PTPN22: variants seen among roughly 807,000 people sequenced by gnomAD.
PTPN22 encodes the protein protein tyrosine phosphatase non-receptor type 22.
A neutral mutation model predicts 103.3 loss-of-function variants in PTPN22; 85 were observed. That is an observed-to-expected ratio of 0.82 (90% CI 0.69 to 0.99). The LOEUF (loss-of-function observed/expected upper bound fraction) is 0.99. Ranked by LOEUF, PTPN22 falls within the 50% of genes least tolerant of loss-of-function variation. The probability of loss-of-function intolerance (pLI) is 0.00; values close to 1 mark genes in which losing one functional copy is unlikely to be tolerated. For synonymous variants in PTPN22, 323 were observed against 310.2 expected (o/e 1.04, Z -0.43); for missense variants, 865 against 936.9 (o/e 0.92, Z 1.00).
chr1:113,838,079 T>G (rs1169636864), exon 13 of PTPN22: 1 of 1,613,940 alleles, frequency 6.2e-7, no homozygotes, highest in East Asian at 2.2e-5. Context: ...ATTGGCACCT[T>G]TGAATTAAAA....
At chr1:113,868,227 C>T (rs1474411081) in intron 1 of PTPN22, among the ~76,000 whole-genome samples, 3 of 152,040 alleles carry the variant, frequency 2.0e-5, no homozygotes, top group African/African-American at 7.2e-5. Context: ...AAATCTGAAC[C>T]ATGGACCTGG....
At chr1:113,857,590 G>A in intron 5 of PTPN22, 148 bp downstream of exon 5, 1 of 643,856 alleles carries the variant, frequency 1.6e-6, no homozygotes, top group South Asian at 2.3e-5. Flanking sequence ...AAAATCCTCT[G>A]AGAATCACGT....
chr1:113,858,281 C>A (rs1665249801), intron 4 of PTPN22, among the ~76,000 whole-genome samples, 197 bp downstream of exon 4: 1 of 151,744 alleles, frequency 6.6e-6, no homozygotes, highest in Non-Finnish European at 1.5e-5. Flanking sequence ...TGGTCTAGAA[C>A]CCCTAGGCTC....
intron 11 of PTPN22, among the ~76,000 whole-genome samples, chr1:113,846,879 A>C (rs1664103232): frequency 6.6e-6 from 1 of 151,992 alleles, no homozygotes; most frequent in Non-Finnish European, 1.5e-5. Flanking sequence ...GCTGATTTCT[A>C]AAACTTTTTT....
intron 5 of PTPN22, 192 bp downstream of exon 5, chr1:113,857,546 G>C: frequency 1.8e-6 from 1 of 542,836 alleles, no homozygotes; most frequent in East Asian, 3.1e-5. Flanking sequence ...GGTCTACTGA[G>C]AAAACAAACA....
chr1:113,829,559 C>T (rs772889035), intron 18 of PTPN22, 33 bp downstream of exon 18: 8 of 1,305,516 alleles, frequency 6.1e-6, no homozygotes, highest in East Asian at 2.4e-5. Context: ...GGAAAGTTTC[C>T]GGCATGTTTC....
At chr1:113,847,815 G>A (rs905614436) in intron 11 of PTPN22, among the ~76,000 whole-genome samples, 15 of 151,662 alleles carry the variant, frequency 9.9e-5, no homozygotes, top group African/African-American at 3.6e-4. Context: ...CTGATCCCAG[G>A]TCAAGACCAG....
intron 15 of PTPN22, among the ~76,000 whole-genome samples, chr1:113,833,359 T>C (rs1025388343): frequency 6.6e-6 from 1 of 152,214 alleles, no homozygotes; most frequent in South Asian, 2.1e-4. Flanking sequence ...TAGTCCTAAA[T>C]TGATCCCCTT....
At chr1:113,837,734 T>C (rs1382836188) in exon 13 of PTPN22, 1 of 1,613,044 alleles carries the variant, frequency 6.2e-7, no homozygotes, top group Non-Finnish European at 8.5e-7. Context: ...CCATCTTGCT[T>C]CTCAGGTAAA....
intron 1 of PTPN22, among the ~76,000 whole-genome samples, chr1:113,861,202 G>T (rs191720936): frequency 6.6e-6 from 1 of 152,148 alleles, no homozygotes; most frequent in Admixed American, 6.5e-5. Flanking sequence ...TCATACCACT[G>T]TGAAGTCTTC....
chr1:113,864,215 A>G (rs1478507206), intron 1 of PTPN22: 1 of 453,482 alleles, frequency 2.2e-6, no homozygotes, highest in Admixed American at 2.4e-5. Context: ...GATTTGATCT[A>G]TTCAAAGAGG....
intron 16 of PTPN22, among the ~76,000 whole-genome samples, chr1:113,830,406 C>G (rs1233909344): frequency 5.3e-5 from 8 of 152,070 alleles, no homozygotes; most frequent in Middle Eastern, 3.4e-3. Flanking sequence ...AGACAAATGA[C>G]CCACTCTCTT....
At chr1:113,870,961 A>G (rs1238926230) in intron 1 of PTPN22, among the ~76,000 whole-genome samples, 1 of 152,218 alleles carries the variant, frequency 6.6e-6, no homozygotes, top group African/African-American at 2.4e-5. Flanking sequence ...TGAGGCCAGG[A>G]GTTCAAGGCT....
intron 1 of PTPN22, among the ~76,000 whole-genome samples, chr1:113,869,578 A>G (rs1440094654): frequency 6.6e-6 from 1 of 152,088 alleles, no homozygotes; most frequent in Non-Finnish European, 1.5e-5. Flanking sequence ...TATTTTTAGT[A>G]GAAATGGGGT....
At chr1:113,859,610 G>C (rs375697992) in intron 1 of PTPN22, 150 bp from the exon 2 acceptor site, 1 of 623,416 alleles carries the variant, frequency 1.6e-6, no homozygotes, top group Non-Finnish European at 2.8e-6. Context: ...CAGAGCTGCA[G>C]AGCATAAGGA....
exon 21 of PTPN22, chr1:113,814,684 G>A: frequency 5.9e-6 from 3 of 510,980 alleles, no homozygotes; most frequent in Non-Finnish European, 1.0e-5. Flanking sequence ...AAGCTCAAGT[G>A]ACAAACTTTT....
intron 16 of PTPN22, among the ~76,000 whole-genome samples, 167 bp from the exon 17 acceptor site, chr1:113,830,196 T>G (rs1054802731): frequency 2.0e-5 from 3 of 152,182 alleles, no homozygotes; most frequent in Non-Finnish European, 4.4e-5. Context: ...TTTGTTTTTC[T>G]ACCTCGTTAG....
At chr1:113,830,586 A>G (rs1484308621) in intron 16 of PTPN22, among the ~76,000 whole-genome samples, 1 of 152,228 alleles carries the variant, frequency 6.6e-6, no homozygotes, top group East Asian at 1.9e-4. Context: ...AGATTTGAAT[A>G]AACCAACTGT....
chr1:113,860,011 G>T (rs1278482323), intron 1 of PTPN22, among the ~76,000 whole-genome samples: 2 of 148,010 alleles, frequency 1.4e-5, no homozygotes, highest in African/African-American at 5.0e-5. Flanking sequence ...ACCCAGGCTG[G>T]AGTGCAGTGG....
Sources: gnomAD v4.1 joint callset for allele counts (sites outside exome capture counted in the v4.1 genomes callset) on GRCh38, gnomAD v4.1.1 for gene constraint, MANE v1.5 for transcripts, NCBI Gene and HGNC (gene_info 2026-07-23, HGNC 2026-07-21) for gene names.